The following KCNC4 variants were observed in gnomAD, a reference collection of about 807,000 sequenced individuals.
KCNC4 encodes the protein potassium voltage-gated channel subfamily C member 4.
Under a neutral mutation model 42.8 loss-of-function variants are expected in KCNC4, and 23 were observed. The ratio of observed to expected loss-of-function variants is 0.54; its 90% confidence interval spans 0.39 to 0.76. The LOEUF is 0.76. KCNC4 is among the 30% of genes least tolerant of loss of function. The pLI is 0.00. For synonymous variants in KCNC4, 422 were observed against 393.5 expected, an observed-to-expected ratio of 1.07 and a Z score of -0.86; for missense variants, 751 against 898.2, an observed-to-expected ratio of 0.84 and a Z score of 2.10.
chr1:110,218,088 T>C (rs1657896686), intron 1 of KCNC4, among the ~76,000 whole-genome samples: 1 of 152,168 alleles, frequency 6.6e-6, no homozygotes, highest in Non-Finnish European at 1.5e-5. Context: ...TGTTTATCTG[T>C]CCATCTGTCT....
chr1:110,229,167 G>GTCTC (rs1240922552), intron 3 of KCNC4: 1 of 152,238 alleles, frequency 6.6e-6, no homozygotes, highest in East Asian at 1.9e-4. Context: ...CTGTCTGTCT[G>GTCTC]TCCACCCCAC....
At chr1:110,247,851 T>G (rs1659183105) in exon 4 of KCNC4, 1 of 152,264 alleles carries the variant, frequency 6.6e-6, no homozygotes, top group Non-Finnish European at 1.5e-5. Context: ...GCACCTGGCC[T>G]TGTGAAGTCT....
chr1:110,275,748 G>A (rs1007315713), intron 1 of KCNC4, among the ~76,000 whole-genome samples: 3 of 151,998 alleles, frequency 2.0e-5, no homozygotes, highest in African/African-American at 7.2e-5. Flanking sequence ...CATGAGGTCA[G>A]GAGATCGAGA....
intron 1 of KCNC4, among the ~76,000 whole-genome samples, chr1:110,269,234 G>T (rs561843392): frequency 4.6e-5 from 7 of 152,062 alleles, no homozygotes; most frequent in Admixed American, 2.6e-4. Context: ...CAAGATTTTT[G>T]ACAGACACGT....
At chr1:110,279,838 G>T (rs1231764616) in intron 1 of KCNC4, among the ~76,000 whole-genome samples, 2 of 114,734 alleles carry the variant, frequency 1.7e-5, no homozygotes, top group Middle Eastern at 8.9e-3. Flanking sequence ...TCACTCTGTT[G>T]CCCGGGCTGG....
At chr1:110,212,931 C>T (rs996278245) in intron 1 of KCNC4, among the ~76,000 whole-genome samples, 10 of 152,118 alleles carry the variant, frequency 6.6e-5, no homozygotes, top group African/African-American at 2.4e-4. Flanking sequence ...CCACAGGCTT[C>T]CTGGTGATGA....
chr1:110,274,986 A>C (rs1302208898), intron 1 of KCNC4, among the ~76,000 whole-genome samples: 1 of 152,228 alleles, frequency 6.6e-6, no homozygotes, highest in East Asian at 1.9e-4. Context: ...TCAAAAGCAC[A>C]AGCAATAAAA....
intron 1 of KCNC4, among the ~76,000 whole-genome samples, chr1:110,269,082 C>T (rs1343826884): frequency 6.6e-6 from 1 of 152,152 alleles, no homozygotes; most frequent in African/African-American, 2.4e-5. Context: ...TTCTTCAGGG[C>T]AGCAGGCAAG....
At chr1:110,217,293 C>G (rs1199073853) in intron 1 of KCNC4, among the ~76,000 whole-genome samples, 1 of 152,142 alleles carries the variant, frequency 6.6e-6, no homozygotes, top group Non-Finnish European at 1.5e-5. Context: ...AGGAGGTGTT[C>G]AGAGAGGCTT....
chr1:110,223,113 GAC>G lies in KCNC4; in HGVS notation c.830_831del (p.Thr277ArgfsTer103). The G allele has an allele frequency of 6.2e-7, 1 of 1,614,212 alleles. No homozygotes were observed. Among genetic ancestry groups the G allele is most frequent in the Non-Finnish European group, 8.5e-7 (1 of 1,180,034 alleles). ...TSVHFRREVETEPILTYIEGV... is the reference protein window; with the variant it reads ...TSVHFRREVEXEPILTYIEGV... ...GCGTGCACTTCCGGCGGGAGGTAGA[GAC>G]AGAGCCCATCCTGACCTACATCGAG... On this transcript the variant is annotated frameshift_variant, in exon 2 of 4. Transcript: ENST00000438661. LOFTEE classifies it high-confidence loss of function. The surrounding 1 kb of genome is among the most constrained non-coding windows in gnomAD (Gnocchi z 7.5).
chr1:110,280,579 CA>C (rs1289666857), intron 1 of KCNC4, among the ~76,000 whole-genome samples: 1 of 152,154 alleles, frequency 6.6e-6, no homozygotes, highest in African/African-American at 2.4e-5. Context: ...CCGCTGCCCA[CA>C]ATCCCCTAAT....
downstream of KCNC4, among the ~76,000 whole-genome samples, chr1:110,250,088 C>T (rs1659223853): frequency 6.6e-6 from 1 of 152,222 alleles, no homozygotes; most frequent in African/African-American, 2.4e-5. Flanking sequence ...GGTCATCACT[C>T]CTTTTCTCAT....
chr1:110,240,704 G>C (rs968149953), exon 4 of KCNC4: 1 of 152,160 alleles, frequency 6.6e-6, no homozygotes, highest in Non-Finnish European at 1.5e-5. Context: ...CCCTGGGGTG[G>C]TGGCTCCTAA....
At chr1:110,263,438 G>A (rs1345811292) in intron 1 of KCNC4, among the ~76,000 whole-genome samples, 1 of 151,962 alleles carries the variant, frequency 6.6e-6, no homozygotes, top group East Asian at 1.9e-4. Flanking sequence ...CATTTCCTTG[G>A]CTGTCTAAGA....
At chr1:110,218,249 T>C (rs1407038142) in intron 1 of KCNC4, among the ~76,000 whole-genome samples, 1 of 152,158 alleles carries the variant, frequency 6.6e-6, no homozygotes. Flanking sequence ...CAAGTATCAT[T>C]TCTTTGCATC....
At chr1:110,277,677 G>GC (rs1241854694) in intron 1 of KCNC4, among the ~76,000 whole-genome samples, 3 of 152,196 alleles carry the variant, frequency 2.0e-5, no homozygotes, top group African/African-American at 7.2e-5. Context: ...ATCATAAAAG[G>GC]CCCCAGACCC....
chr1:110,227,030 G>A (rs779545556), intron 3 of KCNC4, among the ~76,000 whole-genome samples: 17 of 152,170 alleles, frequency 1.1e-4, no homozygotes, highest in African/African-American at 3.4e-4. Context: ...TCACTTATTC[G>A]TCTCTCTTGC....
chr1:110,239,162 G>A (rs1027045810), exon 4 of KCNC4: 6 of 152,406 alleles, frequency 3.9e-5, no homozygotes, highest in African/African-American at 1.4e-4. Flanking sequence ...GACTCCTTAG[G>A]AGGGCCTGTG....
intron 1 of KCNC4, among the ~76,000 whole-genome samples, chr1:110,268,231 C>T (rs1363531476): frequency 6.6e-6 from 1 of 152,234 alleles, no homozygotes; most frequent in Non-Finnish European, 1.5e-5. Flanking sequence ...ACAAAGGCAG[C>T]TTTAGACACC....
Sources: allele counts gnomAD v4.1 joint callset (sites outside exome capture counted in the v4.1 genomes callset), GRCh38; gene constraint gnomAD v4.1.1; non-coding constraint Gnocchi (gnomAD v3.1); transcripts MANE v1.5; gene names NCBI Gene and HGNC (gene_info 2026-07-23, HGNC 2026-07-21).